The following TIE1 variants were observed in gnomAD, a reference collection of about 807,000 sequenced individuals.
The protein encoded by TIE1 is tyrosine-protein kinase receptor Tie-1.
A neutral mutation model predicts 130.5 loss-of-function variants in TIE1; 89 were observed. The observed-to-expected ratio is 0.68, with a 90% CI of 0.57 to 0.81. TIE1 has a LOEUF of 0.81. Among genes scored for constraint, TIE1 ranks in the 40% least tolerant of loss-of-function variants. The pLI is 0.00. For synonymous variants in TIE1, 568 were observed against 629.4 expected, an observed-to-expected ratio of 0.90 and a Z score of 1.46; for missense variants, 1,392 against 1,559.8, an observed-to-expected ratio of 0.89 and a Z score of 1.81.
Position 43,319,302 on chromosome 1 carries a change from A to G in TIE1, c.2990A>G (p.Asp997Gly). ...GAGAACCTAGCCTCCAAGATTGCAGACTTCGGCCTTTCTCGGGGAGAGGAG... is the reference window on the plus strand; with the variant it reads ...GAGAACCTAGCCTCCAAGATTGCAGGCTTCGGCCTTTCTCGGGGAGAGGAG... ...VGENLASKIA[D>G]FGLSRGEEVY... Residue 997 changes from aspartate (D) to glycine (G), a missense_variant, in exon 18 of 23, where the codon GAC (aspartate) becomes GGC (glycine). This residue lies in a region of TIE1 where 286 missense variants were observed against 354.4 expected (regional missense o/e 0.81). Transcript: ENST00000372476. The surrounding 1 kb of genome is among the most constrained non-coding windows in gnomAD (Gnocchi z 4.7). The G allele has an allele frequency of 1.2e-6, 2 of 1,613,670 alleles. No homozygotes were observed. Among genetic ancestry groups the G allele is most frequent in the South Asian group, 1.1e-5 (1 of 91,042 alleles).
At position 43,321,494 on chromosome 1, in the gene TIE1, T is replaced by G; in HGVS notation, c.3245+2T>G. On this transcript the variant is annotated splice_donor_variant, in intron 21 of 22. Transcript: ENST00000372476. LOFTEE classifies it high-confidence loss of function. ...GCCTCGAAACTGTGACGATGAAGTGTGAGTCACCCCATCCTTGAGCTCCAT... is the reference window on the plus strand; with the variant it reads ...GCCTCGAAACTGTGACGATGAAGTGGGAGTCACCCCATCCTTGAGCTCCAT... 6.2e-7 allele frequency: 1 copy of G among 1,611,006 alleles called. No individual in the cohort carries two copies. The highest frequency in any genetic ancestry group is 8.5e-7 in the Non-Finnish European group (1 of 1,178,484).
rs746462804 is a variant in TIE1 at position 43,304,830 on chromosome 1, T to C, written c.59-21T>C. ...AGGGTTGGCTGGGACTACAATAGAG[T>C]CACTGGTGTCCTGGCCCCAGGCGCG... On this transcript the variant is annotated intron_variant, in intron 1 of 22. Coordinates refer to ENST00000372476, the MANE Select transcript of TIE1 (RefSeq NM_005424.5). 1.1e-5 allele frequency: 15 copies of C among 1,411,030 alleles called. No individual in the cohort carries two copies. The Admixed American group carries it at 3.2e-4, about 30-fold the overall frequency. The allele number at this position is 1,411,030 out of a possible 1,614,324, so 87.4% of individuals were successfully genotyped here. A position where few individuals can be genotyped will look rare whatever the true frequency, so the allele number is the denominator to read the frequency against.
chr1:43,308,836 C>T, intron 7 of TIE1, 150 bp from the exon 8 acceptor site: 1 of 1,003,628 alleles, frequency 1.0e-6, no homozygotes, highest in East Asian at 2.6e-5. Context: ...GGCTGGGACG[C>T]TGGAGGAGTC....
intron 7 of TIE1, 115 bp downstream of exon 7, chr1:43,308,039 C>T: frequency 1.4e-6 from 2 of 1,457,756 alleles, no homozygotes; most frequent in South Asian, 1.3e-5. Context: ...AAGTCCTGCC[C>T]TCAGGGAGCT....
At position 43,309,890 on chromosome 1, in the gene TIE1, C is replaced by T. The variant is rs541038328; in HGVS notation, c.1333+358C>T. On this transcript the variant is annotated intron_variant, in intron 9 of 22. Transcript: ENST00000372476. This position sits in a 1 kb window ranked among gnomAD's most constrained non-coding sequence, Gnocchi z 6.3. ...TCCCATCTCTGAGTCACCCCACAGACACTCAGTGCTAGCCCAGGGGAGCAT... is the reference window on the plus strand; with the variant it reads ...TCCCATCTCTGAGTCACCCCACAGATACTCAGTGCTAGCCCAGGGGAGCAT... 6.6e-6 allele frequency among the ~76,000 whole-genome samples: 1 copy of T among 152,298 alleles called. No individual in the cohort carries two copies. The highest frequency in any genetic ancestry group is 1.9e-4 in the East Asian group (1 of 5,184).
In TIE1 at chr1:43,319,123, G is replaced by A. The variant is rs12750759; in HGVS notation, c.2923-112G>A. On this transcript the variant is annotated intron_variant, in intron 17 of 22. Coordinates refer to ENST00000372476, the MANE Select transcript of TIE1 (RefSeq NM_005424.5). This position sits in a 1 kb window ranked among gnomAD's most constrained non-coding sequence, Gnocchi z 4.7. ...CGAGATTGCAGCCAGGAGGGTAGGA[G>A]TATGGGGTATTGAAGGTAACAAGGG... 114 of 754,490 alleles carry A rather than the reference G, an allele frequency of 1.5e-4. No individual in the cohort carries two copies. The South Asian group carries it at 1.6e-3, about 11-fold the overall frequency. The allele number at this position is 754,490 out of a possible 1,614,324, so 46.7% of individuals were successfully genotyped here.
chr1:43,314,204 C>T (rs993635232), intron 14 of TIE1: 1 of 701,760 alleles, frequency 1.4e-6, no homozygotes, highest in Non-Finnish European at 2.3e-6. Flanking sequence ...TTAATATTCC[C>T]ATTTCAAAAG....
intron 1 of TIE1, 27 bp downstream of exon 1, chr1:43,301,156 C>G: frequency 6.2e-7 from 1 of 1,604,550 alleles, no homozygotes; most frequent in Non-Finnish European, 8.5e-7. Flanking sequence ...TCCCTCACCC[C>G]ATTTCTAGGC....
intron 3 of TIE1, among the ~76,000 whole-genome samples, 164 bp downstream of exon 3, chr1:43,305,507 C>T (rs1326966488): frequency 6.6e-6 from 1 of 152,198 alleles, no homozygotes; most frequent in African/African-American, 2.4e-5. Context: ...CTGCACCCAT[C>T]TTATCTGTAG....
Position 43,309,281 on chromosome 1 carries a change from G to A in TIE1, c.1189-107G>A, listed in dbSNP as rs1646764586. 1.3e-6 allele frequency: 2 copies of A among 1,513,684 alleles called. No individual in the cohort carries two copies. Among genetic ancestry groups the A allele is most frequent in the Middle Eastern group, 2.1e-4 (1 of 4,788 alleles). 93.8% of individuals were successfully genotyped at this position (1,513,684 alleles called of 1,614,324 possible). On this transcript the variant is annotated intron_variant, in intron 8 of 22. Coordinates refer to ENST00000372476, the MANE Select transcript of TIE1 (RefSeq NM_005424.5). The surrounding 1 kb of genome is among the most constrained non-coding windows in gnomAD (Gnocchi z 6.3). ...ATGAGGTCAGGCTGATTGGTGAGGG[G>A]GCTGCCACTGGGCCTCTGTCCTGCC... is the stretch of plus-strand genomic sequence containing the variant.
chr1:43,308,939 G>A (rs758668841), intron 7 of TIE1, 47 bp from the exon 8 acceptor site: 23 of 1,613,520 alleles, frequency 1.4e-5, no homozygotes, highest in African/African-American at 2.7e-5. Context: ...TGGTGGTCAC[G>A]TGTCTGCCCC....
In TIE1 at chr1:43,306,719, C is replaced by T. The variant is rs1646731529; in HGVS notation, c.485-121C>T. On this transcript the variant is annotated intron_variant, in intron 3 of 22. Coordinates refer to ENST00000372476, the MANE Select transcript of TIE1 (RefSeq NM_005424.5). The surrounding 1 kb of genome is among the most constrained non-coding windows in gnomAD (Gnocchi z 4.9). Reference sequence around the variant, plus strand: ...GCGTGGGCATAGGCTCTCGTGGTGCCGGCCCTAGGTCTCATCACTGTGCAT... The same window carrying T: ...GCGTGGGCATAGGCTCTCGTGGTGCTGGCCCTAGGTCTCATCACTGTGCAT... 4 of 1,308,936 alleles carry T rather than the reference C, an allele frequency of 3.1e-6. No individual in the cohort carries two copies. Among genetic ancestry groups the T allele is most frequent in the Non-Finnish European group, 2.1e-6 (2 of 960,382 alleles). 81.1% of individuals were successfully genotyped at this position (1,308,936 alleles called of 1,614,324 possible).
At position 43,312,095 on chromosome 1, in the gene TIE1, T is replaced by C; in HGVS notation, c.1594T>C (p.Trp532Arg). The C allele has an allele frequency of 1.3e-6, 2 of 1,586,958 alleles. No individual in the cohort carries two copies. The highest frequency in any genetic ancestry group is 1.7e-6 in the Non-Finnish European group (2 of 1,165,272). The stretch of plus-strand genomic sequence containing the variant: ...GCCAGGGGAAGGAGGAGAGGGGGCC[T>C]GGGGGCCTCCCACCCTCATGACCAC... The part of the protein sequence containing the change: ...SRPGEGGEGA[W>R]GPPTLMTTDC... Residue 532 changes from tryptophan to arginine, a missense_variant, in exon 11 of 23, where the codon TGG becomes CGG. Around this residue, in one of 6 missense-constraint regions of TIE1, gnomAD observed 551 missense variants for 565.5 expected, o/e 0.97. Coordinates refer to ENST00000372476, the MANE Select transcript of TIE1 (RefSeq NM_005424.5). The surrounding 1 kb of genome is among the most constrained non-coding windows in gnomAD (Gnocchi z 5.6).
chr1:43,312,421 C>T lies in TIE1; in HGVS notation c.1747C>T (p.Arg583Cys), dbSNP rs1646807145. ...ACTGGTGGGCGACGGTTTCCTGCTG[C>T]GCCTGTGGGACGGGACACGGGGGCA... ...GPLVGDGFLL[R>C]LWDGTRGQER... is the part of the protein sequence containing the mutation. Residue 583 changes from arginine (R) to cysteine (C), a missense_variant, in exon 12 of 23, where the codon CGC (arginine) becomes TGC (cysteine). Around this residue, in one of 6 missense-constraint regions of TIE1, gnomAD observed 551 missense variants for 565.5 expected, o/e 0.97. Transcript: ENST00000372476. This position sits in a 1 kb window ranked among gnomAD's most constrained non-coding sequence, Gnocchi z 5.6. 3.7e-6 allele frequency: 6 copies of T among 1,610,474 alleles called. No homozygotes were observed. The highest frequency in any genetic ancestry group is 2.2e-5 in the East Asian group (1 of 44,824).
chr1:43,310,045 G>T (rs139570685), intron 9 of TIE1, among the ~76,000 whole-genome samples: 8 of 152,188 alleles, frequency 5.3e-5, no homozygotes, highest in Admixed American at 3.3e-4. Flanking sequence ...ACCCCCACCT[G>T]CTCTAAGGCC....
chr1:43,312,137 A>G lies in TIE1; in HGVS notation c.1630+6A>G. On this transcript the variant is annotated splice_donor_region_variant and intron_variant, in intron 11 of 22. Transcript: ENST00000372476. This position sits in a 1 kb window ranked among gnomAD's most constrained non-coding sequence, Gnocchi z 5.6. Reference sequence around the variant, plus strand: ...CATGACCACAGACTGTCCTGGTGAGAGGCCAAGAGTCATCCCTTCCTGTCC... The same window carrying G: ...CATGACCACAGACTGTCCTGGTGAGGGGCCAAGAGTCATCCCTTCCTGTCC... 1.3e-6 allele frequency: 2 copies of G among 1,526,004 alleles called. No individual in the cohort carries two copies. The highest frequency in any genetic ancestry group is 1.8e-6 in the Non-Finnish European group (2 of 1,135,980). The allele number at this position is 1,526,004 out of a possible 1,614,324, so 94.5% of individuals were successfully genotyped here.
In TIE1 at chr1:43,309,355, C is replaced by T; in HGVS notation, c.1189-33C>T. On this transcript the variant is annotated intron_variant, in intron 8 of 22. Coordinates refer to ENST00000372476, the MANE Select transcript of TIE1 (RefSeq NM_005424.5). The surrounding 1 kb of genome is among the most constrained non-coding windows in gnomAD (Gnocchi z 6.3). The stretch of plus-strand genomic sequence containing the variant: ...TGCCTGCCACAGAGGTGCCCGTTCC[C>T]TGTGACCTGTCCCCTTCCCCCATCT... 1 of 1,557,956 alleles carries T rather than the reference C, an allele frequency of 6.4e-7. No homozygotes were observed. The highest frequency in any genetic ancestry group is 8.7e-7 in the Non-Finnish European group (1 of 1,155,140).
chr1:43,314,610 C>T, intron 14 of TIE1: 1 of 947,220 alleles, frequency 1.1e-6, no homozygotes, highest in Non-Finnish European at 1.3e-6. Context: ...GGTGGATCGC[C>T]TGAGGTCAGG....
chr1:43,309,577 T>C lies in TIE1; in HGVS notation c.1333+45T>C. ...CACAGGGAATGGACGGTGAGCAGAGTAGGCTCTAGATGATGCTGCTCAGGC... is the reference window on the plus strand; with the variant it reads ...CACAGGGAATGGACGGTGAGCAGAGCAGGCTCTAGATGATGCTGCTCAGGC... On this transcript the variant is annotated intron_variant, in intron 9 of 22. Transcript: ENST00000372476. The surrounding 1 kb of genome is among the most constrained non-coding windows in gnomAD (Gnocchi z 6.3). 3 of 1,537,894 alleles carry C rather than the reference T, an allele frequency of 2.0e-6. No individual in the cohort carries two copies. The highest frequency in any genetic ancestry group is 2.6e-6 in the Non-Finnish European group (3 of 1,145,244).
Sources: gnomAD v4.1 joint callset for allele counts (sites outside exome capture counted in the v4.1 genomes callset) on GRCh38, gnomAD v4.1.1 for gene constraint, gnomAD v4.1.1 regional missense constraint, Gnocchi (gnomAD v3.1) non-coding constraint, MANE v1.5 for transcripts, NCBI Gene and HGNC (gene_info 2026-07-23, HGNC 2026-07-21) for gene names.